The following MALRD1 variants were observed in gnomAD, a reference collection of about 807,000 sequenced individuals.
MALRD1 encodes MAM and LDL-receptor class A domain-containing protein 1.
In MALRD1, 247 loss-of-function variants were observed where a neutral mutation model predicts 242.1. The ratio of observed to expected loss-of-function variants is 1.02; its 90% CI spans 0.92 to 1.13. The LOEUF is 1.13. MALRD1 is among the 50% of genes most tolerant of loss of function. MALRD1 has a pLI of 0.00. For missense variants in MALRD1, 2,989 were observed against 2,533.1 expected, an observed-to-expected ratio of 1.18 and a Z score of -3.86; for synonymous variants, 995 against 866.6, an observed-to-expected ratio of 1.15 and a Z score of -2.60.
chr10:19,435,945 C>T (rs1834334020), intron 28 of MALRD1, among the ~76,000 whole-genome samples: 1 of 152,094 alleles, frequency 6.6e-6, no homozygotes, highest in Admixed American at 6.6e-5. Flanking sequence ...TGGGCTCATT[C>T]ATATTTATCT....
chr10:19,212,850 G>T (rs1365766023), intron 18 of MALRD1, among the ~76,000 whole-genome samples: 1 of 152,106 alleles, frequency 6.6e-6, no homozygotes, highest in Admixed American at 6.6e-5. Context: ...TAATTATGTT[G>T]AGCGTATGTG....
intron 28 of MALRD1, among the ~76,000 whole-genome samples, chr10:19,397,800 A>G (rs757722682): frequency 6.6e-6 from 1 of 151,790 alleles, no homozygotes; most frequent in Non-Finnish European, 1.5e-5. Context: ...TAGTTCCACA[A>G]CGTTGCTAAC....
intron 29 of MALRD1, among the ~76,000 whole-genome samples, chr10:19,452,018 G>T (rs1293300046): frequency 6.6e-6 from 1 of 152,154 alleles, no homozygotes; most frequent in Admixed American, 6.5e-5. Context: ...TTAGACATGA[G>T]AATATGCTTC....
chr10:19,401,293 A>G (rs1467322143), intron 28 of MALRD1, among the ~76,000 whole-genome samples: 1 of 152,146 alleles, frequency 6.6e-6, no homozygotes, highest in African/African-American at 2.4e-5. Flanking sequence ...ATTTTCAATT[A>G]TTTCTGACTT....
intron 34 of MALRD1, among the ~76,000 whole-genome samples, chr10:19,601,549 A>G (rs180951109): frequency 1.3e-5 from 2 of 152,102 alleles, no homozygotes; most frequent in African/African-American, 4.8e-5. Flanking sequence ...TACAAATTTC[A>G]TAAAGCCAAA....
At chr10:19,683,962 T>C (rs1842474560) in intron 36 of MALRD1, among the ~76,000 whole-genome samples, 1 of 152,070 alleles carries the variant, frequency 6.6e-6, no homozygotes, top group Non-Finnish European at 1.5e-5. Context: ...CGGTGTGTGA[T>C]GTTCCCCTCC....
intron 28 of MALRD1, among the ~76,000 whole-genome samples, chr10:19,424,110 T>C (rs984172039): frequency 3.3e-5 from 5 of 152,188 alleles, no homozygotes; most frequent in South Asian, 2.1e-4. Flanking sequence ...ATCTAGCTCA[T>C]GTGTGTTTCT....
intron 38 of MALRD1, 115 bp from the exon 39 acceptor site, chr10:19,730,591 A>C: frequency 9.5e-7 from 1 of 1,056,762 alleles, no homozygotes; most frequent in Admixed American, 2.0e-5. Flanking sequence ...TCATGAAAAT[A>C]AGTGTGCTGG....
chr10:19,070,601 T>A (rs1055036970), intron 2 of MALRD1, among the ~76,000 whole-genome samples: 1 of 152,082 alleles, frequency 6.6e-6, no homozygotes, highest in South Asian at 2.1e-4. Context: ...CTTACTTCAT[T>A]GTGCATAATT....
intron 33 of MALRD1, among the ~76,000 whole-genome samples, chr10:19,576,895 G>A (rs1219456256): frequency 4.0e-5 from 6 of 150,552 alleles, no homozygotes; most frequent in African/African-American, 1.5e-4. Flanking sequence ...ATCTTATAAG[G>A]TATTGTTGAT....
intron 38 of MALRD1, among the ~76,000 whole-genome samples, chr10:19,705,353 T>G (rs950919983): frequency 6.6e-6 from 1 of 152,304 alleles, no homozygotes; most frequent in East Asian, 1.9e-4. Flanking sequence ...CCAGAAATAC[T>G]TAGCCTTAGC....
At chr10:19,453,464 C>G (rs1273794625) in intron 29 of MALRD1, among the ~76,000 whole-genome samples, 1 of 152,104 alleles carries the variant, frequency 6.6e-6, no homozygotes, top group Non-Finnish European at 1.5e-5. Context: ...ACTTCATAAA[C>G]ATATTAGAAA....
intron 30 of MALRD1, among the ~76,000 whole-genome samples, chr10:19,495,829 C>T (rs1039834385): frequency 6.6e-6 from 1 of 152,182 alleles, no homozygotes; most frequent in South Asian, 2.1e-4. Flanking sequence ...TTCAAGAGAC[C>T]CATCTCACAC....
intron 33 of MALRD1, among the ~76,000 whole-genome samples, chr10:19,585,750 T>G (rs1837358781): frequency 1.3e-5 from 2 of 152,164 alleles, no homozygotes; most frequent in Non-Finnish European, 1.5e-5. Flanking sequence ...TTCTCTGTAT[T>G]TCCTGAATCT....
At chr10:19,307,719 A>G (rs1333444516) in intron 21 of MALRD1, among the ~76,000 whole-genome samples, 1 of 151,522 alleles carries the variant, frequency 6.6e-6, no homozygotes, top group Non-Finnish European at 1.5e-5. Flanking sequence ...TATTGGATAG[A>G]GAATTGGGTT....
At chr10:19,524,186 G>A (rs1324185939) in intron 31 of MALRD1, among the ~76,000 whole-genome samples, 1 of 152,064 alleles carries the variant, frequency 6.6e-6, no homozygotes, top group Non-Finnish European at 1.5e-5. Flanking sequence ...TTTAAAAATT[G>A]CAGATGTGAG....
intron 38 of MALRD1, 145 bp from the exon 39 acceptor site, chr10:19,730,561 C>T (rs1589453949): frequency 1.1e-6 from 1 of 879,436 alleles, no homozygotes; most frequent in Non-Finnish European, 1.8e-6. Context: ...AAAAAACAAA[C>T]TTTACTTATG....
chr10:19,353,759 C>CCCACA (rs1473116397), intron 26 of MALRD1, among the ~76,000 whole-genome samples: 1 of 152,138 alleles, frequency 6.6e-6, no homozygotes, highest in African/African-American at 2.4e-5. Context: ...TGTTTGATGG[C>CCCACA]AGATATAGGT....
At chr10:19,270,428 A>T (rs1840174414) in intron 19 of MALRD1, among the ~76,000 whole-genome samples, 1 of 151,572 alleles carries the variant, frequency 6.6e-6, no homozygotes, top group Admixed American at 6.6e-5. Context: ...AAAAACTGTG[A>T]CACTATTTAT....
Sources: allele counts gnomAD v4.1 joint callset (sites outside exome capture counted in the v4.1 genomes callset), GRCh38; gene constraint gnomAD v4.1.1; transcripts MANE v1.5; gene names NCBI Gene and HGNC (gene_info 2026-07-23, HGNC 2026-07-21).